The following TENM1 variants were observed in gnomAD, a reference collection of about 807,000 sequenced individuals.
TENM1 encodes teneurin transmembrane protein 1, also known as teneurin-1.
TENM1 carries 35 observed loss-of-function variants against 174.8 expected under a neutral mutation model. The ratio of observed to expected loss-of-function variants is 0.20; its 90% CI spans 0.15 to 0.27. TENM1 has a LOEUF of 0.27. Ranked by LOEUF, TENM1 falls within the 10% of genes least tolerant of loss-of-function variation. The pLI, the probability that TENM1 is intolerant of heterozygous loss-of-function variation, is 1.00. For missense variants in TENM1, 1,633 were observed against 2,130.1 expected (o/e 0.77, Z 4.59); for synonymous variants, 781 against 798.7 (o/e 0.98, Z 0.37).
exon 29 of TENM1, chrX:124,385,825 T>A: frequency 8.3e-7 from 1 of 1,211,811 alleles, no homozygotes; most frequent in South Asian, 1.8e-5. Context: ...TGTACTTGTA[T>A]AAGACTCTGC....
chrX:124,759,677 A>G (rs1420015168), intron 3 of TENM1, among the ~76,000 whole-genome samples: 1 of 112,216 alleles, frequency 8.9e-6, no homozygotes, highest in African/African-American at 3.2e-5. Context: ...CCTTAATGTA[A>G]ATAATCAGTT....
chrX:125,038,278 A>G, the TENM1 span, among the ~76,000 whole-genome samples: 2 of 109,916 alleles, frequency 1.8e-5, no homozygotes, highest in Non-Finnish European at 3.8e-5. Flanking sequence ...TCTATTCAGT[A>G]TGACTCTGGA....
chrX:125,133,119 G>A, the TENM1 span, among the ~76,000 whole-genome samples: 3 of 110,630 alleles, frequency 2.7e-5, no homozygotes, highest in African/African-American at 6.6e-5. Context: ...TCAGCCTCCC[G>A]AGTAGCTGGG....
intron 6 of TENM1, among the ~76,000 whole-genome samples, chrX:124,668,914 T>G (rs2051847086): frequency 8.9e-6 from 1 of 111,842 alleles, no homozygotes; most frequent in Non-Finnish European, 1.9e-5. Flanking sequence ...ATAATAGGTT[T>G]TAGATTGGTG....
At chrX:125,179,906 C>A in the TENM1 span, among the ~76,000 whole-genome samples, 1 of 105,273 alleles carries the variant, frequency 9.5e-6, no homozygotes, top group East Asian at 3.0e-4. Flanking sequence ...CATCTCTTAT[C>A]TAGCTTTTAG....
At chrX:124,852,038 T>C (rs1439235281) in intron 3 of TENM1, among the ~76,000 whole-genome samples, 2 of 111,460 alleles carry the variant, frequency 1.8e-5, no homozygotes, top group East Asian at 5.6e-4. Context: ...GTTTGCCAGA[T>C]ACAAAGGAAA....
the TENM1 span, among the ~76,000 whole-genome samples, chrX:125,084,524 C>T: frequency 9.0e-6 from 1 of 110,963 alleles, no homozygotes; most frequent in African/African-American, 3.3e-5. Flanking sequence ...GTCCCTAGTA[C>T]ATCATCATAA....
At chrX:125,058,403 G>A in the TENM1 span, among the ~76,000 whole-genome samples, 1 of 111,450 alleles carries the variant, frequency 9.0e-6, no homozygotes, top group African/African-American at 3.3e-5. Context: ...ATGGCAATGC[G>A]GCAATAACTT....
chrX:125,064,851 C>A, the TENM1 span, among the ~76,000 whole-genome samples: 1 of 110,955 alleles, frequency 9.0e-6, no homozygotes, highest in African/African-American at 3.3e-5. Context: ...TCGGGATCCA[C>A]TGCCTCAGCC....
chrX:124,767,984 T>C (rs2054571185), intron 3 of TENM1, among the ~76,000 whole-genome samples: 2 of 111,694 alleles, frequency 1.8e-5, no homozygotes, highest in South Asian at 7.5e-4. Context: ...TTTCAGCTAA[T>C]AGACTTTGAA....
chrX:125,116,264 A>T, the TENM1 span, among the ~76,000 whole-genome samples: 1 of 112,199 alleles, frequency 8.9e-6, no homozygotes, highest in Non-Finnish European at 1.9e-5. Context: ...TTAAACGTAA[A>T]ACCTAAACCC....
At chrX:124,931,370 C>T (rs928159282) in intron 1 of TENM1, among the ~76,000 whole-genome samples, 2 of 110,197 alleles carry the variant, frequency 1.8e-5, no homozygotes, top group Non-Finnish European at 3.8e-5. Flanking sequence ...GGAAAGAAGA[C>T]GATGGGTTGT....
At chrX:124,988,694 T>G in the TENM1 span, among the ~76,000 whole-genome samples, 1 of 111,770 alleles carries the variant, frequency 8.9e-6, no homozygotes, top group African/African-American at 3.2e-5. Flanking sequence ...AAAAGGGTAC[T>G]AAATCATAAC....
At chrX:124,441,609 A>G (rs1056429717) in intron 23 of TENM1, among the ~76,000 whole-genome samples, 11 of 111,985 alleles carry the variant, frequency 9.8e-5, no homozygotes, top group African/African-American at 2.9e-4. Flanking sequence ...GACTGAGTGC[A>G]TGTGGCTCAA....
chrX:124,970,663 T>C, the TENM1 span, among the ~76,000 whole-genome samples: 7 of 111,424 alleles, frequency 6.3e-5, no homozygotes, highest in Non-Finnish European at 1.3e-4. Flanking sequence ...TGTGGAGAAA[T>C]AGGAACGCTT....
chrX:124,396,385 C>T (rs533968778), intron 27 of TENM1, among the ~76,000 whole-genome samples: 4 of 102,982 alleles, frequency 3.9e-5, no homozygotes, highest in African/African-American at 1.5e-4. Flanking sequence ...TCACTGCAAC[C>T]TCCACTTCCT....
the TENM1 span, among the ~76,000 whole-genome samples, chrX:125,091,222 G>GA: frequency 4.7e-4 from 49 of 104,412 alleles, no homozygotes; most frequent in African/African-American, 1.2e-3. Context: ...GAGGAAAAGA[G>GA]AAAAAAAAAA....
the TENM1 span, among the ~76,000 whole-genome samples, chrX:125,059,156 C>T: frequency 1.8e-5 from 2 of 109,724 alleles, no homozygotes; most frequent in Admixed American, 9.8e-5. Context: ...AAGATATATC[C>T]CTAAAAGACA....
At chrX:124,442,617 T>C (rs1271607202) in intron 23 of TENM1, among the ~76,000 whole-genome samples, 2 of 111,902 alleles carry the variant, frequency 1.8e-5, no homozygotes, top group Non-Finnish European at 3.8e-5. Context: ...CAATGACAGA[T>C]GTTAGGCAAG....
Sources: gnomAD v4.1 joint callset for allele counts (sites outside exome capture counted in the v4.1 genomes callset) on GRCh38, gnomAD v4.1.1 for gene constraint, MANE v1.5 for transcripts, NCBI Gene and HGNC (gene_info 2026-07-23, HGNC 2026-07-21) for gene names.